Variants in FIG4 observed in about 807,000 individuals in gnomAD.
FIG4 encodes FIG4 phosphoinositide 5-phosphatase, also known as polyphosphoinositide phosphatase.
A neutral mutation model predicts 118.6 loss-of-function variants in FIG4; 112 were observed. That is an observed-to-expected ratio of 0.94 (90% CI 0.81 to 1.11). FIG4 has a LOEUF of 1.11. FIG4 is among the 50% of genes least tolerant of loss of function. The pLI is 0.00. For synonymous variants in FIG4, 369 were observed against 381.2 expected, an observed-to-expected ratio of 0.97 and a Z score of 0.37; for missense variants, 969 against 1,111.7, an observed-to-expected ratio of 0.87 and a Z score of 1.83.
chr6:109,759,678 G>A (rs1202659960), intron 10 of FIG4, among the ~76,000 whole-genome samples: 1 of 152,218 alleles, frequency 6.6e-6, no homozygotes, highest in African/African-American at 2.4e-5. Context: ...CAAGGAGGCA[G>A]AAGGCAAGGT....
intron 10 of FIG4, among the ~76,000 whole-genome samples, chr6:109,754,911 A>G (rs1456540585): frequency 6.6e-6 from 1 of 152,100 alleles, no homozygotes; most frequent in Non-Finnish European, 1.5e-5. Context: ...AATTTTTTGA[A>G]GGATTTTTTT....
intron 19 of FIG4, among the ~76,000 whole-genome samples, 178 bp downstream of exon 19, chr6:109,789,855 ATTT>A (rs1489306231): frequency 6.6e-6 from 1 of 152,216 alleles, no homozygotes; most frequent in African/African-American, 2.4e-5. Context: ...AATACAGTGC[ATTT>A]TATTGTTTTA....
chr6:109,729,135 C>T (rs898680212), intron 4 of FIG4, among the ~76,000 whole-genome samples: 3 of 152,104 alleles, frequency 2.0e-5, no homozygotes, highest in African/African-American at 7.2e-5. Flanking sequence ...TTAAACATTT[C>T]ATACATAATG....
At chr6:109,707,626 C>T (rs1241784613) in intron 1 of FIG4, among the ~76,000 whole-genome samples, 1 of 151,844 alleles carries the variant, frequency 6.6e-6, no homozygotes, top group Non-Finnish European at 1.5e-5. Context: ...ACATTTTTCT[C>T]ATCTATAGTA....
intron 16 of FIG4, among the ~76,000 whole-genome samples, chr6:109,778,298 TAA>T (rs56412248): frequency 3.6e-5 from 5 of 140,490 alleles, no homozygotes; most frequent in Admixed American, 7.1e-5. Flanking sequence ...CCATCTCTAC[TAA>T]AAAAAAAAAA....
At chr6:109,759,847 T>G (rs912423869) in intron 10 of FIG4, among the ~76,000 whole-genome samples, 7 of 152,236 alleles carry the variant, frequency 4.6e-5, no homozygotes, top group African/African-American at 1.7e-4. Flanking sequence ...GTTTGGGAAT[T>G]GTTCATCCAG....
intron 7 of FIG4, among the ~76,000 whole-genome samples, chr6:109,740,230 G>A (rs750708745): frequency 6.6e-5 from 10 of 152,094 alleles, no homozygotes; most frequent in Non-Finnish European, 1.0e-4. Flanking sequence ...GAGCTAACTC[G>A]GGTCCTGGCA....
intron 22 of FIG4, among the ~76,000 whole-genome samples, chr6:109,800,486 T>A (rs1562691725): frequency 6.6e-6 from 1 of 152,216 alleles, no homozygotes; most frequent in Non-Finnish European, 1.5e-5. Context: ...TTTGGTAACA[T>A]GGCATGGAGG....
At chr6:109,748,846 G>T (rs568628817) in intron 10 of FIG4, among the ~76,000 whole-genome samples, 1 of 151,998 alleles carries the variant, frequency 6.6e-6, no homozygotes, top group African/African-American at 2.4e-5. Context: ...CCACAAGAAC[G>T]GTATGGGGGA....
intron 16 of FIG4, among the ~76,000 whole-genome samples, chr6:109,783,312 T>C (rs1356566954): frequency 6.6e-6 from 1 of 152,242 alleles, no homozygotes; most frequent in Admixed American, 6.5e-5. Context: ...TTCTGCTAAA[T>C]GTAAAAATTA....
intron 18 of FIG4, among the ~76,000 whole-genome samples, chr6:109,787,010 C>T (rs1777983952): frequency 6.6e-6 from 1 of 152,018 alleles, no homozygotes; most frequent in Non-Finnish European, 1.5e-5. Flanking sequence ...AGTCATAGGA[C>T]AAATCTAGTT....
intron 1 of FIG4, among the ~76,000 whole-genome samples, chr6:109,705,890 C>G (rs1350147935): frequency 6.6e-6 from 1 of 152,104 alleles, no homozygotes; most frequent in Non-Finnish European, 1.5e-5. Context: ...GGGATTTTAC[C>G]TCTTTTAAAC....
At chr6:109,791,698 C>A (rs1778143583) in intron 20 of FIG4, 127 bp downstream of exon 20, 1 of 795,192 alleles carries the variant, frequency 1.3e-6, no homozygotes, top group Non-Finnish European at 2.1e-6. Context: ...GTTTGAGGCA[C>A]TGCATAAGAT....
intron 13 of FIG4, 56 bp downstream of exon 13, chr6:109,764,038 A>T (rs1777197119): frequency 6.2e-6 from 7 of 1,126,958 alleles, no homozygotes; most frequent in Non-Finnish European, 9.5e-6. Context: ...TGTGTACTGT[A>T]TGTTTTCTGT....
chr6:109,825,253 C>CCGCT lies in FIG4; in HGVS notation c.2713_2716dup (p.Tyr906SerfsTer17). ...CCATGTACCGAGAGTACATCAGGAA[C>CCGCT]CGCTACCTGTGAAAAGAGCGCAGGT... On this transcript the variant is annotated frameshift_variant, in exon 23 of 23. Transcript: ENST00000230124. LOFTEE classifies it high-confidence loss of function. 1 of 1,614,058 alleles carries CCGCT rather than the reference C, an allele frequency of 6.2e-7. No individual in the cohort carries two copies. Among genetic ancestry groups the CCGCT allele is most frequent in the Non-Finnish European group, 8.5e-7 (1 of 1,179,956 alleles).
At chr6:109,752,634 C>T (rs13201228) in intron 10 of FIG4, among the ~76,000 whole-genome samples, 13,905 of 152,166 alleles carry the variant, frequency 0.091, 826 homozygotes, top group Middle Eastern at 0.16. Flanking sequence ...GCATAAATGT[C>T]TTCTTTTGAG....
chr6:109,739,275 T>C (rs979285866), intron 7 of FIG4, among the ~76,000 whole-genome samples: 1 of 152,260 alleles, frequency 6.6e-6, no homozygotes, highest in East Asian at 1.9e-4. Flanking sequence ...GCTTCATGTC[T>C]CATTAATTTG....
intron 6 of FIG4, among the ~76,000 whole-genome samples, chr6:109,737,375 G>A (rs1420059775): frequency 3.3e-5 from 5 of 152,130 alleles, no homozygotes; most frequent in Non-Finnish European, 7.4e-5. Flanking sequence ...TTAGAAAGTT[G>A]AAATTCAAAG....
intron 21 of FIG4, among the ~76,000 whole-genome samples, chr6:109,795,280 A>G (rs1460213841): frequency 6.6e-6 from 1 of 151,990 alleles, no homozygotes; most frequent in Non-Finnish European, 1.5e-5. Flanking sequence ...AAACTCTGGC[A>G]GTGATTGTAC....
Sources: allele counts gnomAD v4.1 joint callset (sites outside exome capture counted in the v4.1 genomes callset), GRCh38; gene constraint gnomAD v4.1.1; transcripts MANE v1.5; gene names NCBI Gene and HGNC (gene_info 2026-07-23, HGNC 2026-07-21).